SETX: variants seen among roughly 807,000 people sequenced by gnomAD.
SETX encodes the protein helicase senataxin.
SETX carries 90 observed loss-of-function variants against 227.2 expected under a neutral mutation model. The observed-to-expected ratio is 0.40, with a 90% CI of 0.33 to 0.47. SETX has a LOEUF of 0.47. Ranked by LOEUF, SETX falls within the 20% of genes least tolerant of loss-of-function variation. The pLI, the probability that SETX is intolerant of heterozygous loss-of-function variation, is 0.91. For synonymous variants in SETX, 1,210 were observed against 1,113.2 expected (o/e 1.09, Z -1.73); for missense variants, 3,052 against 3,181.5 (o/e 0.96, Z 0.98).
intron 22 of SETX, among the ~76,000 whole-genome samples, chr9:132,275,848 G>C (rs1435682516): frequency 6.6e-6 from 1 of 152,140 alleles, no homozygotes; most frequent in Non-Finnish European, 1.5e-5. Context: ...TTACATGTAT[G>C]ATCTTCCTTG....
chr9:132,265,013 T>C (rs1842570018), intron 25 of SETX, 28 bp from the exon 26 acceptor site: 1 of 1,609,618 alleles, frequency 6.2e-7, no homozygotes, highest in Non-Finnish European at 8.5e-7. Context: ...GGAGAAATAA[T>C]TACACCCCAA....
At position 132,328,958 on chromosome 9, in the gene SETX, A is replaced by T; in HGVS notation, c.2640T>A (p.His880Gln). 3 of 1,609,842 alleles carry T rather than the reference A, an allele frequency of 1.9e-6. No homozygotes were observed. Among genetic ancestry groups the T allele is most frequent in the Non-Finnish European group, 2.5e-6 (3 of 1,178,740 alleles). Residue 880 changes from histidine (H) to glutamine (Q), a missense_variant, in exon 10 of 26, where the codon CAT becomes CAA. By Grantham distance (24) the His-to-Gln change is conservative. Around this residue, in one of 10 missense-constraint regions of SETX, gnomAD observed 1,483 missense variants for 1,312.0 expected, o/e 1.13. Transcript: ENST00000224140. The stretch of plus-strand genomic sequence containing the variant: ...ATTCCTGTATTTTACAATTGTTTTC[A>T]TGGAAAGAGAAAATAACTAATTCTT... ...KNEELVIFSF[H>Q]ENNCKIQEFH...
At chr9:132,275,761 A>G (rs771857284) in intron 22 of SETX, among the ~76,000 whole-genome samples, 7 of 152,224 alleles carry the variant, frequency 4.6e-5, no homozygotes, top group Non-Finnish European at 7.3e-5. Flanking sequence ...AGCAGTATTA[A>G]TAAGAACAAA....
At position 132,327,671 on chromosome 9, in the gene SETX, T is replaced by C. The variant is rs760333540; in HGVS notation, c.3927A>G (p.Gln1309=). Residue 1309 remains glutamine, a synonymous_variant, in exon 10 of 26, where the codon CAA becomes CAG. Transcript: ENST00000224140. ...LSQRSLDYVA[Q]LRDHGKTVGV... is the part of the protein sequence containing the mutation. Reference sequence around the variant, plus strand: ...CAACAGTTTTGCCATGATCACGTAATTGAGCTACATAATCCAAAGACCGCT... The same window carrying C: ...CAACAGTTTTGCCATGATCACGTAACTGAGCTACATAATCCAAAGACCGCT... 4.3e-6 allele frequency: 7 copies of C among 1,613,872 alleles called. No homozygotes were observed. The highest frequency in any genetic ancestry group is 3.3e-5 in the South Asian group (3 of 91,056).
intron 11 of SETX, among the ~76,000 whole-genome samples, chr9:132,302,658 CTCAAAAAAAAAAAAAAAAAAA>C (rs1256659415): frequency 2.6e-5 from 2 of 75,556 alleles, no homozygotes; most frequent in Non-Finnish European, 4.6e-5. Context: ...GAGACTTTGT[CTCAAAAAAAAAAAAAAAAAAA>C]GCAAAAAAAA....
rs1821808090 is a variant in SETX at position 132,262,097 on chromosome 9, A to G, written c.*2142T>C. ...CACAGGACACAGGCTCGTCTGTTAGAAAGGATGATCTAGTTCTACCATTAA... is the reference window on the plus strand; with the variant it reads ...CACAGGACACAGGCTCGTCTGTTAGGAAGGATGATCTAGTTCTACCATTAA... On this transcript the variant is annotated 3_prime_UTR_variant, in exon 26 of 26. Transcript: ENST00000224140. 6.6e-6 allele frequency: 1 copy of G among 152,266 alleles called. No homozygotes were observed. Among genetic ancestry groups the G allele is most frequent in the Non-Finnish European group, 1.5e-5 (1 of 68,050 alleles). The allele number at this position is 152,266 out of a possible 1,614,324, so 9.4% of individuals were successfully genotyped here.
chr9:132,340,015 G>C (rs774898310), intron 5 of SETX, among the ~76,000 whole-genome samples: 7 of 152,004 alleles, frequency 4.6e-5, no homozygotes, highest in Admixed American at 1.3e-4. Flanking sequence ...TTATCTTTTA[G>C]CTTTTCTTTT....
chr9:132,323,252 G>A (rs1846481664), intron 10 of SETX, among the ~76,000 whole-genome samples: 1 of 152,018 alleles, frequency 6.6e-6, no homozygotes, highest in East Asian at 1.9e-4. Flanking sequence ...ATTAACTAAC[G>A]TACCTGATCA....
Position 132,331,486 on chromosome 9 carries a change from G to C in SETX, c.839-38C>G, listed in dbSNP as rs201203390. 97 of 1,599,050 alleles carry C rather than the reference G, an allele frequency of 6.1e-5. No homozygotes were observed. In the East Asian group the frequency reaches 2.2e-3, roughly 35 times the overall value. ...GGCACAATCGTTGAATTACTAAACA[G>C]TTAGAAAAACATACTACAATATATT... On this transcript the variant is annotated intron_variant, in intron 7 of 25. Coordinates refer to ENST00000224140, the MANE Select transcript of SETX (RefSeq NM_015046.7).
chr9:132,330,905 C>A (rs1160878661), intron 9 of SETX, 147 bp downstream of exon 9: 3 of 692,422 alleles, frequency 4.3e-6, no homozygotes, highest in East Asian at 2.6e-5. Context: ...CACAATACAT[C>A]TGCTGTTCAA....
chr9:132,270,584 C>A (rs1842858787), intron 24 of SETX, among the ~76,000 whole-genome samples: 1 of 152,242 alleles, frequency 6.6e-6, no homozygotes, highest in Non-Finnish European at 1.5e-5. Context: ...CAAACCAAAA[C>A]CTCGGGGCTT....
intron 7 of SETX, 152 bp downstream of exon 7, chr9:132,334,456 A>G (rs1045459164): frequency 8.8e-6 from 8 of 911,750 alleles, no homozygotes; most frequent in Non-Finnish European, 1.4e-5. Flanking sequence ...ATCAAAAAAC[A>G]AAACAAAACA....
chr9:132,288,751 C>G (rs1218411050), intron 15 of SETX, 100 bp from the exon 16 acceptor site: 4 of 828,990 alleles, frequency 4.8e-6, no homozygotes, highest in Non-Finnish European at 6.0e-6. Context: ...TGTTAATAAT[C>G]AGAGAAGGGA....
chr9:132,267,397 A>C (rs964360885), intron 25 of SETX, among the ~76,000 whole-genome samples: 5 of 152,240 alleles, frequency 3.3e-5, no homozygotes, highest in African/African-American at 9.6e-5. Flanking sequence ...CACTACACCT[A>C]AACTTGGTGT....
intron 11 of SETX, among the ~76,000 whole-genome samples, chr9:132,301,088 CTTT>C (rs200657740): frequency 4.8e-5 from 6 of 123,922 alleles, no homozygotes; most frequent in Admixed American, 1.7e-4. Flanking sequence ...GTTTATTCTG[CTTT>C]TTTTTTTTTT....
chr9:132,280,848 C>A (rs1481422116), intron 20 of SETX, among the ~76,000 whole-genome samples: 1 of 152,114 alleles, frequency 6.6e-6, no homozygotes, highest in African/African-American at 2.4e-5. Flanking sequence ...AAAAAACCAA[C>A]AGAGAAGAGT....
chr9:132,353,190 T>G (rs1334235582), intron 2 of SETX, among the ~76,000 whole-genome samples: 1 of 152,150 alleles, frequency 6.6e-6, no homozygotes, highest in Non-Finnish European at 1.5e-5. Context: ...AGGCCCGCGA[T>G]GATCCAGCTT....
rs1214935314 is a variant in SETX, at chr9:132,333,458, C to CACACACACACAT, written c.838+1149_838+1150insATGTGTGTGTGT. On this transcript the variant is annotated intron_variant, in intron 7 of 25. Coordinates refer to ENST00000224140, the MANE Select transcript of SETX (RefSeq NM_015046.7). Reference sequence around the variant, plus strand: ...ACACACACACACACACACACACACACGCCCTATCAACAAAAGAATAACATT... The same window carrying CACACACACACAT: ...ACACACACACACACACACACACACACACACACACACATGCCCTATCAACAAAAGAATAACATT... 7.2e-5 allele frequency among the ~76,000 whole-genome samples: 8 copies of CACACACACACAT among 111,240 alleles called. 1 individual carries two copies. The highest frequency in any genetic ancestry group is 2.3e-4 in the African/African-American group (6 of 26,076). 73.0% of individuals were successfully genotyped at this position (111,240 alleles called of 152,430 possible).
Position 132,298,383 on chromosome 9 carries a change from C to A in SETX, c.5549-71G>T. On this transcript the variant is annotated intron_variant, in intron 12 of 25. Transcript: ENST00000224140. ...ATGCTGCCTAGTTGTAAAGGTCATG[C>A]AGAATTAGGTATTTTTAACATATTT... 4.1e-6 allele frequency: 5 copies of A among 1,215,944 alleles called. No individual in the cohort carries two copies. In the South Asian group the frequency reaches 5.0e-5, roughly 12 times the overall value. 75.3% of individuals were successfully genotyped at this position (1,215,944 alleles called of 1,614,324 possible). A position where few individuals can be genotyped will look rare whatever the true frequency, so the allele number is the denominator to read the frequency against.
Sources: allele counts gnomAD v4.1 joint callset (sites outside exome capture counted in the v4.1 genomes callset), GRCh38; gene constraint gnomAD v4.1.1; regional missense constraint gnomAD v4.1.1; transcripts MANE v1.5; gene names NCBI Gene and HGNC (gene_info 2026-07-23, HGNC 2026-07-21).